SGCZ: variants seen among roughly 807,000 people sequenced by gnomAD.
SGCZ encodes zeta-sarcoglycan.
SGCZ carries 40 observed loss-of-function variants against 41.3 expected under a neutral mutation model. The observed-to-expected ratio is 0.97, with a 90% CI of 0.75 to 1.26. SGCZ has a LOEUF of 1.26. Ranked by LOEUF, SGCZ falls within the 50% of genes most tolerant of loss-of-function variation. The probability of loss-of-function intolerance (pLI) is 0.00; values close to 1 mark genes in which losing one functional copy is unlikely to be tolerated. For synonymous variants in SGCZ, 206 were observed against 137.5 expected (o/e 1.50, Z -3.49); for missense variants, 552 against 369.8 (o/e 1.49, Z -4.04).
chr8:15,206,835 G>C (rs757076088), intron 1 of SGCZ, among the ~76,000 whole-genome samples: 15 of 152,046 alleles, frequency 9.9e-5, no homozygotes, highest in Non-Finnish European at 2.1e-4. Flanking sequence ...CATAATTCGA[G>C]GGGTACTTTA....
At chr8:14,880,706 G>A (rs1804554657) in intron 1 of SGCZ, among the ~76,000 whole-genome samples, 1 of 152,018 alleles carries the variant, frequency 6.6e-6, no homozygotes, top group African/African-American at 2.4e-5. Flanking sequence ...CACAAAGACA[G>A]AAAACCAAAC....
At chr8:14,713,253 C>A (rs954663450) in intron 1 of SGCZ, among the ~76,000 whole-genome samples, 6 of 152,224 alleles carry the variant, frequency 3.9e-5, no homozygotes, top group Admixed American at 1.3e-4. Flanking sequence ...CAAAGTTAGA[C>A]AAATTAAAAT....
intron 1 of SGCZ, among the ~76,000 whole-genome samples, chr8:15,159,796 G>T (rs1401906168): frequency 7.9e-6 from 1 of 127,288 alleles, no homozygotes; most frequent in African/African-American, 3.0e-5. Flanking sequence ...CAGCTTAATG[G>T]CAGATAATTT....
At position 14,200,048 on chromosome 8, in the gene SGCZ, A is replaced by G. The variant is rs112485252; in HGVS notation, c.425-35346T>C. On this transcript the variant is annotated intron_variant, in intron 4 of 7. Coordinates refer to ENST00000382080, the MANE Select transcript of SGCZ (RefSeq NM_139167.4). ...CAGAAACGTATTCTTATTGATAGCAATTGGGTCCGGTAGTATCCATGGTTT... is the reference window on the plus strand; with the variant it reads ...CAGAAACGTATTCTTATTGATAGCAGTTGGGTCCGGTAGTATCCATGGTTT... Among the ~76,000 whole-genome samples the G allele has an allele frequency of 3.2e-3, 494 of 152,274 alleles. 5 individuals are homozygous for G. Among genetic ancestry groups the G allele is most frequent in the African/African-American group, 0.011 (469 of 41,552 alleles).
chr8:14,622,950 T>C (rs1182617995), intron 1 of SGCZ, among the ~76,000 whole-genome samples: 1 of 152,170 alleles, frequency 6.6e-6, no homozygotes, highest in Admixed American at 6.6e-5. Flanking sequence ...CAAAACTCCA[T>C]GTATCTATTG....
chr8:14,182,955 A>G (rs1178792752), intron 4 of SGCZ, among the ~76,000 whole-genome samples: 1 of 149,738 alleles, frequency 6.7e-6, no homozygotes, highest in Non-Finnish European at 1.5e-5. Context: ...GGTTGCAGTG[A>G]GCCGAGATCG....
intron 1 of SGCZ, among the ~76,000 whole-genome samples, chr8:14,687,189 TA>T (rs1388831632): frequency 2.0e-5 from 3 of 147,814 alleles, no homozygotes; most frequent in African/African-American, 7.4e-5. Flanking sequence ...TATATATATA[TA>T]TTTTAATTTT....
rs143061488 is a variant in SGCZ at position 14,690,899 on chromosome 8, A to C, written c.40-135973T>G. Among the ~76,000 whole-genome samples, 516 of 152,314 alleles carry C rather than the reference A, an allele frequency of 3.4e-3. 2 individuals are homozygous for C. Among genetic ancestry groups the C allele is most frequent in the African/African-American group, 0.012 (488 of 41,588 alleles). ...AGTACATATGTGTTAGTGTTGTGAA[A>C]TATAAAGTCATGTATGTGCTGTAAG... On this transcript the variant is annotated intron_variant, in intron 1 of 7. Transcript: ENST00000382080.
chr8:14,310,375 C>T (rs1801495153), intron 3 of SGCZ, among the ~76,000 whole-genome samples: 1 of 152,190 alleles, frequency 6.6e-6, no homozygotes. Flanking sequence ...AGCTTTGCTA[C>T]AAATTTATGC....
chr8:14,395,765 G>A (rs920533950), intron 2 of SGCZ, among the ~76,000 whole-genome samples: 1 of 152,160 alleles, frequency 6.6e-6, no homozygotes, highest in African/African-American at 2.4e-5. Flanking sequence ...GGAGCTCAGA[G>A]CAAGTATCAG....
chr8:14,282,846 A>ATTTTTTTT, intron 3 of SGCZ, among the ~76,000 whole-genome samples: 1 of 62,984 alleles, frequency 1.6e-5, no homozygotes, highest in Non-Finnish European at 3.1e-5. Flanking sequence ...TCTTTCAAAT[A>ATTTTTTTT]CTTTTTTTTT....
intron 1 of SGCZ, among the ~76,000 whole-genome samples, chr8:14,703,570 A>G (rs1054303754): frequency 3.9e-5 from 6 of 151,972 alleles, no homozygotes; most frequent in African/African-American, 1.4e-4. Context: ...CAGAAACTCT[A>G]TTCTAGTCTA....
chr8:14,726,330 A>ATATATATG (rs1554488735), intron 1 of SGCZ, among the ~76,000 whole-genome samples: 10 of 144,648 alleles, frequency 6.9e-5, no homozygotes, highest in Admixed American at 6.2e-4. Flanking sequence ...ATATCTATAT[A>ATATATATG]TATATATATA....
At chr8:14,103,583 T>C (rs938617682) in intron 6 of SGCZ, among the ~76,000 whole-genome samples, 1 of 152,130 alleles carries the variant, frequency 6.6e-6, no homozygotes, top group Non-Finnish European at 1.5e-5. Context: ...AAGTGAAACC[T>C]AAAAGCTTAA....
chr8:14,479,994 C>A (rs13248577), intron 2 of SGCZ, among the ~76,000 whole-genome samples: 21,891 of 152,148 alleles, frequency 0.14, 1,960 homozygotes, highest in South Asian at 0.2. Context: ...ATCCACCCGC[C>A]TCGGCATCCC....
At chr8:14,903,299 T>A (rs1799026711) in intron 1 of SGCZ, among the ~76,000 whole-genome samples, 1 of 152,144 alleles carries the variant, frequency 6.6e-6, no homozygotes, top group Non-Finnish European at 1.5e-5. Context: ...CTTGCTCTCA[T>A]ACTAAATACA....
At chr8:14,491,309 A>G (rs1801836499) in intron 2 of SGCZ, among the ~76,000 whole-genome samples, 1 of 150,592 alleles carries the variant, frequency 6.6e-6, no homozygotes, top group African/African-American at 2.4e-5. Context: ...CAGTGGATCA[A>G]CACATAAAAT....
At chr8:14,685,217 T>TG (rs746301347) in intron 1 of SGCZ, among the ~76,000 whole-genome samples, 34 of 152,230 alleles carry the variant, frequency 2.2e-4, no homozygotes, top group Non-Finnish European at 2.5e-4. Context: ...TATTTGCACC[T>TG]GGAATAATTT....
At chr8:14,343,833 A>C (rs1371572004) in intron 2 of SGCZ, among the ~76,000 whole-genome samples, 1 of 152,178 alleles carries the variant, frequency 6.6e-6, no homozygotes, top group African/African-American at 2.4e-5. Flanking sequence ...TTCAGACACT[A>C]AATCTAGAGT....
Sources: gnomAD v4.1 joint callset for allele counts (sites outside exome capture counted in the v4.1 genomes callset) on GRCh38, gnomAD v4.1.1 for gene constraint, MANE v1.5 for transcripts, NCBI Gene and HGNC (gene_info 2026-07-23, HGNC 2026-07-21) for gene names.